ASAP2: variants seen among roughly 807,000 people sequenced by gnomAD.
ASAP2 encodes the protein ArfGAP with SH3 domain, ankyrin repeat and PH domain 2.
Under a neutral mutation model 131.4 loss-of-function variants are expected in ASAP2, and 45 were observed. The observed-to-expected ratio is 0.34, with a 90% CI of 0.27 to 0.44. The LOEUF is 0.44. ASAP2 is among the 20% of genes least tolerant of loss of function. ASAP2 has a pLI of 1.00. For synonymous variants in ASAP2, 510 were observed against 503.0 expected, an observed-to-expected ratio of 1.01 and a Z score of -0.19; for missense variants, 1,011 against 1,297.0, an observed-to-expected ratio of 0.78 and a Z score of 3.39.
intron 16 of ASAP2, among the ~76,000 whole-genome samples, chr2:9,369,863 T>C (rs971990551): frequency 1.2e-4 from 19 of 152,098 alleles, no homozygotes; most frequent in South Asian, 4.2e-4. Flanking sequence ...GATTTTTTTT[T>C]CCCCTTCAAG....
At chr2:9,351,990 A>T (rs1157004359) in intron 12 of ASAP2, among the ~76,000 whole-genome samples, 1 of 152,184 alleles carries the variant, frequency 6.6e-6, no homozygotes, top group Non-Finnish European at 1.5e-5. Flanking sequence ...CAGTCTAGTA[A>T]GGTCCACAGA....
At chr2:9,307,995 A>C (rs1041067067) in intron 3 of ASAP2, among the ~76,000 whole-genome samples, 1 of 152,180 alleles carries the variant, frequency 6.6e-6, no homozygotes, top group African/African-American at 2.4e-5. Context: ...TGTATGATAG[A>C]CCTCAAGGCA....
chr2:9,271,784 C>T (rs1314023422), intron 1 of ASAP2, among the ~76,000 whole-genome samples: 7 of 151,712 alleles, frequency 4.6e-5, no homozygotes, highest in Non-Finnish European at 7.4e-5. Context: ...TTTTTAGCTC[C>T]CACAAATAAT....
Position 9,281,893 on chromosome 2 carries a change from G to A in ASAP2, c.199+2504G>A, listed in dbSNP as rs1370282714. ...GATGAGTTCCGAGCTCTTGTGCATT[G>A]CCTGGACTCAGGCCACCTGTCCCGA... On this transcript the variant is annotated intron_variant, in intron 2 of 27. Coordinates refer to ENST00000281419, the MANE Select transcript of ASAP2 (RefSeq NM_003887.3). This position sits in a 1 kb window ranked among gnomAD's most constrained non-coding sequence, Gnocchi z 4.0. Among the ~76,000 whole-genome samples, 1 of 152,154 alleles carries A rather than the reference G, an allele frequency of 6.6e-6. No homozygotes were observed. The highest frequency in any genetic ancestry group is 1.5e-5 in the Non-Finnish European group (1 of 68,032).
chr2:9,358,485 G>A (rs1672857783), intron 14 of ASAP2, among the ~76,000 whole-genome samples: 1 of 152,178 alleles, frequency 6.6e-6, no homozygotes, highest in Non-Finnish European at 1.5e-5. Context: ...ACTGGAGTGT[G>A]TCCTGTTTAT....
chr2:9,328,994 A>C lies in ASAP2; in HGVS notation c.686+1083A>C, dbSNP rs184230206. ...GTTTTTCTATTTTGTTCCCTGATAC[A>C]GTCTCCAACAGCCAGCACACAGTGC... On this transcript the variant is annotated intron_variant, in intron 7 of 27. Transcript: ENST00000281419. Among the ~76,000 whole-genome samples the C allele has an allele frequency of 2.8e-3, 419 of 152,334 alleles. 2 individuals carry two copies. Among genetic ancestry groups the C allele is most frequent in the African/African-American group, 9.6e-3 (399 of 41,582 alleles).
chr2:9,373,569 G>A (rs1182727681), intron 16 of ASAP2, among the ~76,000 whole-genome samples: 1 of 152,212 alleles, frequency 6.6e-6, no homozygotes, highest in Admixed American at 6.5e-5. Flanking sequence ...CCCTTCTGGG[G>A]GGCCAGTTGT....
intron 3 of ASAP2, among the ~76,000 whole-genome samples, chr2:9,310,009 T>C (rs1346806287): frequency 6.6e-6 from 1 of 152,192 alleles, no homozygotes; most frequent in East Asian, 1.9e-4. Flanking sequence ...GAAGGCTGTT[T>C]CACACTCTGA....
At chr2:9,403,215 G>T in intron 27 of ASAP2, 38 bp from the exon 28 acceptor site, 2 of 1,593,730 alleles carry the variant, frequency 1.3e-6, no homozygotes, top group Non-Finnish European at 1.7e-6. Flanking sequence ...ACCAACATTT[G>T]GAATTTTAAT....
At chr2:9,325,806 T>A (rs1670441938) in intron 6 of ASAP2, among the ~76,000 whole-genome samples, 1 of 152,200 alleles carries the variant, frequency 6.6e-6, no homozygotes, top group Non-Finnish European at 1.5e-5. Flanking sequence ...CCTCAGGTAG[T>A]GCTGGGTCCT....
intron 27 of ASAP2, 49 bp from the exon 28 acceptor site, chr2:9,403,204 C>T: frequency 6.4e-7 from 1 of 1,561,446 alleles, no homozygotes; most frequent in Non-Finnish European, 8.8e-7. Flanking sequence ...TCAAAGTTTC[C>T]ACCAACATTT....
chr2:9,352,226 C>A (rs1032677706), intron 12 of ASAP2, among the ~76,000 whole-genome samples: 6 of 75,102 alleles, frequency 8.0e-5, no homozygotes, highest in African/African-American at 2.9e-4. Context: ...CACACACACA[C>A]ACACACACAC....
At chr2:9,256,322 C>T (rs1013268539) in intron 1 of ASAP2, among the ~76,000 whole-genome samples, 5 of 152,032 alleles carry the variant, frequency 3.3e-5, no homozygotes, top group African/African-American at 4.8e-5. Context: ...GAGTTTAGCA[C>T]GAGGGTGTAT....
At chr2:9,361,083 CT>C (rs1673044871) in intron 15 of ASAP2, among the ~76,000 whole-genome samples, 2 of 152,208 alleles carry the variant, frequency 1.3e-5, no homozygotes, top group East Asian at 3.8e-4. Flanking sequence ...CCATTTCTGT[CT>C]CCCAGAGCCT....
intron 16 of ASAP2, 100 bp downstream of exon 16, chr2:9,368,619 T>C: frequency 1.0e-6 from 1 of 958,888 alleles, no homozygotes; most frequent in Middle Eastern, 2.1e-4. Context: ...GCATCCATCG[T>C]TGCTTCTTTA....
At chr2:9,251,923 T>C (rs185662267) in intron 1 of ASAP2, among the ~76,000 whole-genome samples, 2 of 152,238 alleles carry the variant, frequency 1.3e-5, no homozygotes, top group East Asian at 3.9e-4. Flanking sequence ...CATTGCTTTT[T>C]TTTTTCTTTC....
rs1349434927 is a variant in ASAP2, at chr2:9,392,277, T to C, written c.2518+1081T>C. Among the ~76,000 whole-genome samples, 1 of 152,258 alleles carries C rather than the reference T, an allele frequency of 6.6e-6. No individual in the cohort carries two copies. The highest frequency in any genetic ancestry group is 2.4e-5 in the African/African-American group (1 of 41,466). On this transcript the variant is annotated intron_variant, in intron 23 of 27. Coordinates refer to ENST00000281419, the MANE Select transcript of ASAP2 (RefSeq NM_003887.3). This position sits in a 1 kb window ranked among gnomAD's most constrained non-coding sequence, Gnocchi z 4.0. ...GTACAGAACTAAAGTCTTTTTTCAC[T>C]GGATCAGAGAAGCGAGCCCTGGATG...
intron 1 of ASAP2, among the ~76,000 whole-genome samples, chr2:9,271,974 A>G (rs145002903): frequency 3.3e-5 from 5 of 152,148 alleles, no homozygotes; most frequent in African/African-American, 1.2e-4. Context: ...GGACACTTAG[A>G]TTGTTTCCAA....
intron 1 of ASAP2, among the ~76,000 whole-genome samples, chr2:9,264,932 A>C (rs1207675720): frequency 2.0e-5 from 3 of 152,322 alleles, no homozygotes; most frequent in Admixed American, 2.0e-4. Context: ...TGAGCCCAGG[A>C]GTTTGAGACC....
Sources: gnomAD v4.1 joint callset for allele counts (sites outside exome capture counted in the v4.1 genomes callset) on GRCh38, gnomAD v4.1.1 for gene constraint, Gnocchi (gnomAD v3.1) non-coding constraint, MANE v1.5 for transcripts, NCBI Gene and HGNC (gene_info 2026-07-23, HGNC 2026-07-21) for gene names.